Variants in TMEM259 observed in about 807,000 individuals in gnomAD.
TMEM259 encodes transmembrane protein 259.
Under a neutral mutation model 46.7 loss-of-function variants are expected in TMEM259, and 26 were observed. The observed-to-expected ratio is 0.56, with a 90% CI of 0.41 to 0.77. The LOEUF (loss-of-function observed/expected upper bound fraction) is 0.77, where lower values mean the gene tolerates loss of function less well. Ranked by LOEUF, TMEM259 falls within the 30% of genes least tolerant of loss-of-function variation. TMEM259 has a pLI of 0.00. For missense variants in TMEM259, 930 were observed against 900.5 expected (o/e 1.03, Z -0.42); for synonymous variants, 494 against 395.1 (o/e 1.25, Z -2.97).
At position 1,020,483 on chromosome 19, in the gene TMEM259, T is replaced by C. The variant is rs2039256186; in HGVS notation, c.225+289A>G. ...GGACAGGATGGGCCCTGGAGGGAGC[T>C]GACAGTGAGGTTTCCAGAGTAGAGA... On this transcript the variant is annotated intron_variant, in intron 1 of 10. Coordinates refer to ENST00000356663, the MANE Select transcript of TMEM259 (RefSeq NM_001033026.2). This position sits in a 1 kb window ranked among gnomAD's most constrained non-coding sequence, Gnocchi z 4.0. Among the ~76,000 whole-genome samples the C allele has an allele frequency of 6.6e-6, 1 of 151,364 alleles. No individual in the cohort carries two copies. Among genetic ancestry groups the C allele is most frequent in the South Asian group, 2.1e-4 (1 of 4,806 alleles).
Position 1,011,806 on chromosome 19 carries a change from G to T in TMEM259, c.943-8C>A. The T allele has an allele frequency of 1.3e-6, 2 of 1,583,238 alleles. No homozygotes were observed. The highest frequency in any genetic ancestry group is 1.7e-6 in the Non-Finnish European group (2 of 1,164,070). Reference sequence around the variant, plus strand: ...CATGGACACGCTCAGCGTCTGCAAGGGGCGCGCAGGAAGCGCTATGAGGGG... The same window carrying T: ...CATGGACACGCTCAGCGTCTGCAAGTGGCGCGCAGGAAGCGCTATGAGGGG... On this transcript the variant is annotated splice_polypyrimidine_tract_variant and splice_region_variant and intron_variant, in intron 6 of 10. Transcript: ENST00000356663.
rs767816573 is a variant in TMEM259, at chr19:1,013,251, C to T, written c.597G>A (p.Thr199=). The stretch of plus-strand genomic sequence containing the variant: ...TGGTGGGTGGCCTACCTTTGGTGGG[C>T]GTCTCGGGGAAGGGGAACTCCTGGC... The part of the protein sequence containing the change: ...NDSQEFPFPE[T]PTKVWPQDEY... The change falls in exon 3 of 11, where the codon ACG becomes ACA. Residue 199 remains threonine, a synonymous_variant. Transcript: ENST00000356663. The T allele has an allele frequency of 5.0e-6, 8 of 1,613,516 alleles. No homozygotes were observed. In the African/African-American group the frequency reaches 5.3e-5, roughly 11 times the overall value.
rs142362585 is a variant in TMEM259 at position 1,010,282 on chromosome 19, C to T, written c.*68G>A. 3.0e-6 allele frequency: 4 copies of T among 1,350,642 alleles called. No individual in the cohort carries two copies. The highest frequency in any genetic ancestry group is 6.7e-5 in the Admixed American group (2 of 29,646). 83.7% of individuals were successfully genotyped at this position (1,350,642 alleles called of 1,614,324 possible). Reference sequence around the variant, plus strand: ...CAGAGGAAGGAGGTGGCTGGCCTCCCCCACCCCCACGGGCTCGGGAAGGTC... The same window carrying T: ...CAGAGGAAGGAGGTGGCTGGCCTCCTCCACCCCCACGGGCTCGGGAAGGTC... On this transcript the variant is annotated 3_prime_UTR_variant, in exon 11 of 11. Coordinates refer to ENST00000356663, the MANE Select transcript of TMEM259 (RefSeq NM_001033026.2).
At position 1,011,559 on chromosome 19, in the gene TMEM259, G is replaced by A. The variant is rs1416642868; in HGVS notation, c.1084+21C>T. On this transcript the variant is annotated intron_variant, in intron 8 of 10. Transcript: ENST00000356663. ...GGGCGGGGTGCAGCGCGGGGCGGGG[G>A]AGGCCGGGTGGGGTCCTCACCGACG... is the stretch of plus-strand genomic sequence containing the variant. 6.0e-6 allele frequency: 9 copies of A among 1,490,298 alleles called. No homozygotes were observed. In the East Asian group the frequency reaches 1.7e-4, roughly 29 times the overall value. 92.3% of individuals were successfully genotyped at this position (1,490,298 alleles called of 1,614,324 possible). A position where few individuals can be genotyped will look rare whatever the true frequency, so the allele number is the denominator to read the frequency against.
rs762448894 is a variant in TMEM259, at chr19:1,011,202, G to C, written c.1218-7C>G. 2.0e-5 allele frequency: 31 copies of C among 1,584,638 alleles called. No individual in the cohort carries two copies. The highest frequency in any genetic ancestry group is 2.6e-5 in the Non-Finnish European group (30 of 1,165,468). On this transcript the variant is annotated splice_region_variant and splice_polypyrimidine_tract_variant and intron_variant, in intron 9 of 10. Transcript: ENST00000356663. ...GTGGTAGAGATAGAAGAACCTGCGG[G>C]GCGGGGTGAGGGCGTCGGGGCTGCA...
In TMEM259 at chr19:1,010,358, CCACCTCCGAGGG is replaced by C. The variant is rs767982401; in HGVS notation, c.1843_1854del (p.Pro615_Val618del). The C allele has an allele frequency of 1.3e-6, 2 of 1,490,704 alleles. No individual in the cohort carries two copies. Among genetic ancestry groups the C allele is most frequent in the Non-Finnish European group, 1.8e-6 (2 of 1,128,594 alleles). The allele number at this position is 1,490,704 out of a possible 1,614,324, so 92.3% of individuals were successfully genotyped here. A position where few individuals can be genotyped will look rare whatever the true frequency, so the allele number is the denominator to read the frequency against. On this transcript the variant is annotated inframe_deletion, in exon 11 of 11. Transcript: ENST00000356663. Reference sequence around the variant, plus strand: ...CGGCTCAGCTGTGCGGCTCAGGACCCCACCTCCGAGGGCGCCTCCGTTGGGGCCATGGAGGCC... The same window carrying C: ...CGGCTCAGCTGTGCGGCTCAGGACCCCGCCTCCGTTGGGGCCATGGAGGCC...
In TMEM259 at chr19:1,020,881, T is replaced by C; in HGVS notation, c.116A>G (p.Asn39Ser). Reference protein sequence around the residue: ...TPNLNPNPLINVRDRLFHALF... With the variant: ...TPNLNPNPLISVRDRLFHALF... ...CGCGTGGAAGAGCCGGTCGCGCACGTTGATGAGGGGGTTGGGGTTGAGATT... is the reference window on the plus strand; with the variant it reads ...CGCGTGGAAGAGCCGGTCGCGCACGCTGATGAGGGGGTTGGGGTTGAGATT... The change falls in exon 1 of 11, where the codon AAC becomes AGC. Residue 39 changes from asparagine (N) to serine (S), a missense_variant. Coordinates refer to ENST00000356663, the MANE Select transcript of TMEM259 (RefSeq NM_001033026.2). The surrounding 1 kb of genome is among the most constrained non-coding windows in gnomAD (Gnocchi z 4.0). 7.5e-7 allele frequency: 1 copy of C among 1,336,436 alleles called. No homozygotes were observed. The highest frequency in any genetic ancestry group is 9.6e-7 in the Non-Finnish European group (1 of 1,038,056). The allele number at this position is 1,336,436 out of a possible 1,614,324, so 82.8% of individuals were successfully genotyped here.
Position 1,014,276 on chromosome 19 carries a change from G to C in TMEM259, c.423C>G (p.Ala141=), listed in dbSNP as rs781696090. 1.4e-5 allele frequency: 22 copies of C among 1,612,862 alleles called. No individual in the cohort carries two copies. Among genetic ancestry groups the C allele is most frequent in the Non-Finnish European group, 1.8e-5 (21 of 1,179,814 alleles). ...SGGRGSFPGL[A]VEPGSNLDME... Reference sequence around the variant, plus strand: ...TGTCCAGGTTGCTGCCTGGTTCCACGGCCAGGCCCGGGAAGCTCCCGCGGC... The same window carrying C: ...TGTCCAGGTTGCTGCCTGGTTCCACCGCCAGGCCCGGGAAGCTCCCGCGGC... The change falls in exon 2 of 11, where the codon GCC becomes GCG. Residue 141 remains alanine, a synonymous_variant. Coordinates refer to ENST00000356663, the MANE Select transcript of TMEM259 (RefSeq NM_001033026.2).
At chr19:1,015,910 A>T (rs3815172) in intron 1 of TMEM259, among the ~76,000 whole-genome samples, 1 of 151,650 alleles carries the variant, frequency 6.6e-6, no homozygotes, top group Non-Finnish European at 1.5e-5. Flanking sequence ...ACCCACTTCC[A>T]GCCCGGCCGC....
chr19:1,011,687 C>T, intron 7 of TMEM259, 24 bp from the exon 8 acceptor site: 1 of 1,536,534 alleles, frequency 6.5e-7, no homozygotes, highest in East Asian at 2.5e-5. Context: ...GCGGCGGGCG[C>T]CCGGTGAGGG....
intron 1 of TMEM259, among the ~76,000 whole-genome samples, chr19:1,018,557 G>A (rs2039183937): frequency 6.6e-6 from 1 of 152,328 alleles, no homozygotes; most frequent in Admixed American, 6.5e-5. Context: ...GGAAGCAGAG[G>A]AGCCTTCTGG....
Position 1,020,716 on chromosome 19 carries a change from C to T in TMEM259, c.225+56G>A, listed in dbSNP as rs2039265409. The T allele has an allele frequency of 3.2e-6, 4 of 1,236,570 alleles. No individual in the cohort carries two copies. The highest frequency in any genetic ancestry group is 4.1e-6 in the Non-Finnish European group (4 of 971,212). The allele number at this position is 1,236,570 out of a possible 1,614,324, so 76.6% of individuals were successfully genotyped here. On this transcript the variant is annotated intron_variant, in intron 1 of 10. Transcript: ENST00000356663. The surrounding 1 kb of genome is among the most constrained non-coding windows in gnomAD (Gnocchi z 4.0). ...AGGGGTCGCGGTCGGAGGTAGCAGACTTGGGGGTCGGGACAGCCGCTGGGG... is the reference window on the plus strand; with the variant it reads ...AGGGGTCGCGGTCGGAGGTAGCAGATTTGGGGGTCGGGACAGCCGCTGGGG...
At chr19:1,011,550 G>A (rs758029269) in intron 8 of TMEM259, 30 bp downstream of exon 8, 28 of 1,541,434 alleles carry the variant, frequency 1.8e-5, no homozygotes, top group African/African-American at 5.5e-5. Flanking sequence ...GGTGCAGCGC[G>A]GGGCGGGGGA....
At position 1,010,264 on chromosome 19, in the gene TMEM259, A is replaced by T; in HGVS notation, c.*86T>A. The stretch of plus-strand genomic sequence containing the variant: ...ACACAGGCTGGGCAGTCCCAGAGGA[A>T]GGAGGTGGCTGGCCTCCCCCACCCC... On this transcript the variant is annotated 3_prime_UTR_variant, in exon 11 of 11. Transcript: ENST00000356663. 8.2e-7 allele frequency: 1 copy of T among 1,218,110 alleles called. No homozygotes were observed. The highest frequency in any genetic ancestry group is 1.1e-6 in the Non-Finnish European group (1 of 921,174). 75.5% of individuals were successfully genotyped at this position (1,218,110 alleles called of 1,614,324 possible). A position where few individuals can be genotyped will look rare whatever the true frequency, so the allele number is the denominator to read the frequency against.
intron 6 of TMEM259, 45 bp downstream of exon 6, chr19:1,011,847 T>A: frequency 1.3e-6 from 2 of 1,589,056 alleles, no homozygotes; most frequent in Non-Finnish European, 1.7e-6. Flanking sequence ...AGGGCCTGCT[T>A]GGCTCCCGCC....
Position 1,010,586 on chromosome 19 carries a change from C to A in TMEM259, c.1627G>T (p.Glu543Ter). 1 of 1,551,402 alleles carries A rather than the reference C, an allele frequency of 6.4e-7. No homozygotes were observed. The highest frequency in any genetic ancestry group is 8.7e-7 in the Non-Finnish European group (1 of 1,149,362). ...AAGGDLGWMAETAAIITDASF... is the reference protein window; with the variant it reads ...AAGGDLGWMA ...GCGTCTGTGATGATGGCAGCGGTCT[C>A]TGCCATCCAACCCAGGTCACCACCG... The change falls in exon 11 of 11, where the codon GAG becomes TAG. Residue 543 changes from glutamate (E) to a stop codon, truncating the protein, a stop_gained. Coordinates refer to ENST00000356663, the MANE Select transcript of TMEM259 (RefSeq NM_001033026.2). LOFTEE classifies it low-confidence loss of function (END_TRUNC).
In TMEM259 at chr19:1,011,947, C is replaced by T. The variant is rs758363429; in HGVS notation, c.887G>A (p.Ser296Asn). ...GTAGGACGTCCGCGCCATCCACATG[C>T]TCACAAAGCGGTAGTGCTCGCCCGA... The part of the protein sequence containing the change: ...VVSGEHYRFV[S>N]MWMARTSYLA... The change falls in exon 6 of 11, where the codon AGC becomes AAC. Residue 296 changes from serine (S) to asparagine (N), a missense_variant. Physicochemically the swap from Ser to Asn is conservative, Grantham distance 46. Coordinates refer to ENST00000356663, the MANE Select transcript of TMEM259 (RefSeq NM_001033026.2). The T allele has an allele frequency of 6.2e-7, 1 of 1,612,328 alleles. No individual in the cohort carries two copies. The highest frequency in any genetic ancestry group is 2.2e-5 in the East Asian group (1 of 44,854).
At chr19:1,014,114 T>A in intron 2 of TMEM259, 78 bp downstream of exon 2, 1 of 1,503,052 alleles carries the variant, frequency 6.7e-7, no homozygotes, top group Non-Finnish European at 9.0e-7. Flanking sequence ...ATCCTGTCGA[T>A]GTCAGGAACC....
rs555735131 is a variant in TMEM259, at chr19:1,016,605, C to T, written c.226-2132G>A. Among the ~76,000 whole-genome samples the T allele has an allele frequency of 2.6e-5, 4 of 152,350 alleles. No individual in the cohort carries two copies. In the East Asian group the frequency reaches 5.8e-4, roughly 22 times the overall value. On this transcript the variant is annotated intron_variant, in intron 1 of 10. Transcript: ENST00000356663. ...GGGCTGTCCAACGCTTCACAAGGGA[C>T]GCACGGCTGTTACCATCCCTGGTTT...
Sources: gnomAD v4.1 joint callset for allele counts (sites outside exome capture counted in the v4.1 genomes callset) on GRCh38, gnomAD v4.1.1 for gene constraint, Gnocchi (gnomAD v3.1) non-coding constraint, MANE v1.5 for transcripts, NCBI Gene and HGNC (gene_info 2026-07-23, HGNC 2026-07-21) for gene names.